The following KCNK2 variants were observed in gnomAD, a reference collection of about 807,000 sequenced individuals.
KCNK2 encodes the protein potassium two pore domain channel subfamily K member 2, also known as potassium channel subfamily K member 2.
KCNK2 carries 21 observed loss-of-function variants against 40.5 expected under a neutral mutation model. The ratio of observed to expected loss-of-function variants is 0.52; its 90% CI spans 0.37 to 0.75. KCNK2 has a LOEUF of 0.75. Among genes scored for constraint, KCNK2 ranks in the 30% least tolerant of loss-of-function variants. The pLI is 0.00. For synonymous variants in KCNK2, 191 were observed against 202.2 expected (o/e 0.94, Z 0.47); for missense variants, 399 against 531.6 (o/e 0.75, Z 2.45).
intron 5 of KCNK2, among the ~76,000 whole-genome samples, chr1:215,172,940 G>A (rs1571693449): frequency 6.6e-6 from 1 of 151,958 alleles, no homozygotes; most frequent in Admixed American, 6.6e-5. Flanking sequence ...AAGCCACTAC[G>A]CCCGGCCTAA....
chr1:215,011,753 G>A (rs1656398344), intron 1 of KCNK2, among the ~76,000 whole-genome samples: 1 of 151,990 alleles, frequency 6.6e-6, no homozygotes, highest in South Asian at 2.1e-4. Context: ...CTACAGGCGC[G>A]TGCTACCACG....
intron 3 of KCNK2, among the ~76,000 whole-genome samples, chr1:215,155,752 C>A (rs1662892267): frequency 6.6e-6 from 1 of 152,114 alleles, no homozygotes; most frequent in Admixed American, 6.5e-5. Flanking sequence ...ATCTCTTGAC[C>A]TTATGATCCA....
intron 6 of KCNK2, among the ~76,000 whole-genome samples, chr1:215,203,127 C>T (rs553251654): frequency 6.6e-6 from 1 of 152,126 alleles, no homozygotes; most frequent in Non-Finnish European, 1.5e-5. Flanking sequence ...TGTGTAACTA[C>T]AGAGAAGGGA....
intron 5 of KCNK2, among the ~76,000 whole-genome samples, chr1:215,177,025 G>A (rs1664006274): frequency 1.3e-5 from 2 of 152,082 alleles, no homozygotes; most frequent in African/African-American, 2.4e-5. Context: ...TTTAATAATA[G>A]TCATTCTGAC....
chr1:215,135,775 C>T (rs948210247), intron 3 of KCNK2, among the ~76,000 whole-genome samples: 24 of 152,090 alleles, frequency 1.6e-4, no homozygotes, highest in African/African-American at 5.3e-4. Context: ...TGCTCTGTCA[C>T]CCAGGCTGGA....
At chr1:215,036,990 T>C (rs1328810305) in intron 1 of KCNK2, among the ~76,000 whole-genome samples, 1 of 134,718 alleles carries the variant, frequency 7.4e-6, no homozygotes, top group African/African-American at 2.7e-5. Flanking sequence ...TCATTCTTAA[T>C]GCCTTTTATT....
chr1:215,112,443 G>A (rs1660737330), intron 2 of KCNK2, among the ~76,000 whole-genome samples: 1 of 151,956 alleles, frequency 6.6e-6, no homozygotes, highest in Non-Finnish European at 1.5e-5. Flanking sequence ...TAAGCTTAGT[G>A]CTAGTACAAA....
chr1:215,177,740 AT>A (rs375712483), intron 5 of KCNK2, among the ~76,000 whole-genome samples: 22 of 101,580 alleles, frequency 2.2e-4, no homozygotes, highest in East Asian at 5.7e-4. Flanking sequence ...ATATATATAT[AT>A]TTTTTTTTTT....
At chr1:215,095,062 A>G (rs1659919722) in intron 2 of KCNK2, among the ~76,000 whole-genome samples, 1 of 152,178 alleles carries the variant, frequency 6.6e-6, no homozygotes, top group South Asian at 2.1e-4. Context: ...ATTAATTGTA[A>G]TAATAGCTCT....
At chr1:215,123,759 T>C (rs1043283080) in intron 2 of KCNK2, among the ~76,000 whole-genome samples, 5 of 152,192 alleles carry the variant, frequency 3.3e-5, no homozygotes, top group Non-Finnish European at 7.4e-5. Flanking sequence ...AGTAAAGATC[T>C]CCAAAGCTAT....
At chr1:215,163,208 C>T (rs1227019952) in intron 3 of KCNK2, among the ~76,000 whole-genome samples, 1 of 152,162 alleles carries the variant, frequency 6.6e-6, no homozygotes, top group Non-Finnish European at 1.5e-5. Context: ...TGGGAGTTCA[C>T]TCATGATTTG....
In KCNK2 at chr1:215,223,241, T is replaced by TAAAAAA. The variant is rs56890763; in HGVS notation, c.964-11571_964-11566dup. 1.4e-3 allele frequency among the ~76,000 whole-genome samples: 155 copies of TAAAAAA among 112,052 alleles called. 5 individuals are homozygous for TAAAAAA. Among genetic ancestry groups the TAAAAAA allele is most frequent in the African/African-American group, 4.8e-3 (141 of 29,606 alleles). 73.5% of individuals were successfully genotyped at this position (112,052 alleles called of 152,430 possible). A position where few individuals can be genotyped will look rare whatever the true frequency, so the allele number is the denominator to read the frequency against. On this transcript the variant is annotated intron_variant, in intron 6 of 6. Coordinates refer to ENST00000444842, the MANE Select transcript of KCNK2 (RefSeq NM_001017425.3). ...TATCTGTACAGAATAAGCTCTTTTC[T>TAAAAAA]AAAAAAAAAAAAAAAAAAAAAGTCA...
chr1:215,127,444 C>T (rs1430828624), intron 3 of KCNK2, among the ~76,000 whole-genome samples: 1 of 152,202 alleles, frequency 6.6e-6, no homozygotes, highest in Non-Finnish European at 1.5e-5. Flanking sequence ...GTTTCACAGA[C>T]TGAAATCCAT....
At chr1:215,159,283 T>A (rs1368109077) in intron 3 of KCNK2, among the ~76,000 whole-genome samples, 1 of 152,136 alleles carries the variant, frequency 6.6e-6, no homozygotes, top group Admixed American at 6.6e-5. Flanking sequence ...AGATTCTTCA[T>A]CTTGACTCTA....
intron 6 of KCNK2, among the ~76,000 whole-genome samples, chr1:215,203,774 T>G (rs1180587077): frequency 6.6e-6 from 1 of 151,988 alleles, no homozygotes; most frequent in African/African-American, 2.4e-5. Flanking sequence ...TCTATGGACT[T>G]TTTAAAGAAC....
intron 1 of KCNK2, among the ~76,000 whole-genome samples, chr1:215,085,312 A>C (rs1312520850): frequency 6.6e-6 from 1 of 152,116 alleles, no homozygotes; most frequent in African/African-American, 2.4e-5. Flanking sequence ...CGGCCATTCT[A>C]TTAACCTTTT....
chr1:215,220,063 G>A (rs1247040169), intron 6 of KCNK2, among the ~76,000 whole-genome samples: 1 of 152,100 alleles, frequency 6.6e-6, no homozygotes, highest in Admixed American at 6.5e-5. Flanking sequence ...TGGCTAATGG[G>A]GGTATCACTG....
chr1:215,164,881 G>T lies in KCNK2; in HGVS notation c.476-4318G>T, dbSNP rs61818343. Among the ~76,000 whole-genome samples, 1,470 of 152,248 alleles carry T rather than the reference G, an allele frequency of 9.7e-3. 22 individuals carry two copies. The highest frequency in any genetic ancestry group is 0.061 in the South Asian group (294 of 4,820). On this transcript the variant is annotated intron_variant, in intron 3 of 6. Transcript: ENST00000444842. Reference sequence around the variant, plus strand: ...GATCAGGTCTGTCTACTTCATAGCTGCAGCCCTAGTGCTTAGCAGAGTGCC... The same window carrying T: ...GATCAGGTCTGTCTACTTCATAGCTTCAGCCCTAGTGCTTAGCAGAGTGCC...
chr1:215,068,189 T>G (rs10864149), intron 1 of KCNK2, among the ~76,000 whole-genome samples: 77,889 of 151,758 alleles, frequency 0.51, 20,756 homozygotes, highest in South Asian at 0.81. Flanking sequence ...GATAATGATG[T>G]TTCAATTCTT....
Sources: allele counts gnomAD v4.1 joint callset (sites outside exome capture counted in the v4.1 genomes callset), GRCh38; gene constraint gnomAD v4.1.1; transcripts MANE v1.5; gene names NCBI Gene and HGNC (gene_info 2026-07-23, HGNC 2026-07-21).